TEX15: variants seen among roughly 807,000 people sequenced by gnomAD.
TEX15 encodes the protein testis-expressed protein 15.
A neutral mutation model predicts 237.3 loss-of-function variants in TEX15; 171 were observed. The ratio of observed to expected loss-of-function variants is 0.72; its 90% CI spans 0.64 to 0.82. TEX15 has a LOEUF of 0.82. TEX15 is among the 40% of genes least tolerant of loss of function. The probability of loss-of-function intolerance (pLI) is 0.00; values close to 1 mark genes in which losing one functional copy is unlikely to be tolerated. For missense variants in TEX15, 3,750 were observed against 3,646.5 expected (o/e 1.03, Z -0.73); for synonymous variants, 1,338 against 1,269.8 (o/e 1.05, Z -1.14).
intron 7 of TEX15, among the ~76,000 whole-genome samples, chr8:30,856,576 C>G (rs913600924): frequency 6.6e-6 from 1 of 151,836 alleles, no homozygotes; most frequent in African/African-American, 2.4e-5. Context: ...AACAAAATAC[C>G]TTAAATTTTA....
intron 4 of TEX15, among the ~76,000 whole-genome samples, chr8:30,873,196 G>C (rs1274431932): frequency 7.2e-5 from 11 of 152,108 alleles, no homozygotes; most frequent in Admixed American, 6.6e-4. Context: ...ATTTGGGAAA[G>C]ATTTAATGCA....
chr8:30,838,316 C>T (rs1807358787), intron 9 of TEX15, among the ~76,000 whole-genome samples: 1 of 152,070 alleles, frequency 6.6e-6, no homozygotes, highest in Non-Finnish European at 1.5e-5. Context: ...CTATTTTGTG[C>T]ATTAGACATT....
chr8:30,871,969 C>T (rs1156749367), intron 4 of TEX15, among the ~76,000 whole-genome samples: 1 of 152,132 alleles, frequency 6.6e-6, no homozygotes, highest in African/African-American at 2.4e-5. Context: ...ATTAACTTGT[C>T]CTTAGCACAA....
chr8:30,881,634 T>TTTTTTTTTTG (rs1808528469), intron 3 of TEX15, among the ~76,000 whole-genome samples: 1 of 141,674 alleles, frequency 7.1e-6, no homozygotes, highest in Non-Finnish European at 1.5e-5. Context: ...TTATTATTTT[T>TTTTTTTTTTG]TTTTTTTGAG....
chr8:30,893,233 C>T (rs1808831202), intron 2 of TEX15, among the ~76,000 whole-genome samples: 1 of 152,156 alleles, frequency 6.6e-6, no homozygotes, highest in Non-Finnish European at 1.5e-5. Context: ...TCCAAGGACA[C>T]AGAGCTAGGA....
intron 2 of TEX15, among the ~76,000 whole-genome samples, chr8:30,895,277 G>A (rs1808875482): frequency 1.6e-5 from 2 of 123,126 alleles, no homozygotes; most frequent in South Asian, 2.7e-4. Context: ...CAGCCTAGGC[G>A]ACAAAGCGAG....
At position 30,871,008 on chromosome 8, in the gene TEX15, T is replaced by TG. The variant is rs776675464; in HGVS notation, c.303-3507_303-3506insC. ...GAAGTTACCCACCATCCTTGGCTCA[T>TG]AATCTCCTTTTTTCATCTTCAAAGC... On this transcript the variant is annotated intron_variant, in intron 4 of 10. Transcript: ENST00000643185. 3.3e-5 allele frequency among the ~76,000 whole-genome samples: 5 copies of TG among 152,076 alleles called. No homozygotes were observed. The South Asian group carries it at 1.0e-3, about 32-fold the overall frequency.
At position 30,847,186 on chromosome 8, in the gene TEX15, G is replaced by A. The variant is rs1807638915; in HGVS notation, c.2981C>T (p.Ala994Val). 1 of 1,613,936 alleles carries A rather than the reference G, an allele frequency of 6.2e-7. No homozygotes were observed. The highest frequency in any genetic ancestry group is 1.7e-5 in the Admixed American group (1 of 60,010). Residue 994 changes from alanine to valine, a missense_variant, in exon 8 of 11, where the codon GCA becomes GTA. Physicochemically the swap from Ala to Val is moderately conservative, Grantham distance 64. Transcript: ENST00000643185. The stretch of plus-strand genomic sequence containing the variant: ...GTGATCGTCATTATTTAGGCTTAAT[G>A]CAGGCATAGTAGCACTAGCTATCTG... The part of the protein sequence containing the change: ...AIQIASATMP[A>V]LSLNNDDHQI...
Position 30,843,335 on chromosome 8 carries a change from GATT to G in TEX15, c.6829_6831del (p.Asn2277del). The G allele has an allele frequency of 2.5e-6, 4 of 1,611,600 alleles. 1 individual carries two copies. The highest frequency in any genetic ancestry group is 3.3e-4 in the Middle Eastern group (2 of 6,044). ...GATTGTGTTCTCTCTTTCCAAACAA[GATT>G]TTTTGCAGCATCAAAAAAGATATGT... On this transcript the variant is annotated inframe_deletion, in exon 8 of 11. Coordinates refer to ENST00000643185, the MANE Select transcript of TEX15 (RefSeq NM_001350162.2).
Position 30,895,676 on chromosome 8 carries a change from C to CTTTTTTTTTTTTTTTTTTTTTTTTTTTTT in TEX15, c.-10+3065_-10+3066insAAAAAAAAAAAAAAAAAAAAAAAAAAAAA, listed in dbSNP as rs34002027. Among the ~76,000 whole-genome samples the CTTTTTTTTTTTTTTTTTTTTTTTTTTTTT allele has an allele frequency of 5.0e-5, 3 of 60,060 alleles. 1 individual carries two copies. Among genetic ancestry groups the CTTTTTTTTTTTTTTTTTTTTTTTTTTTTT allele is most frequent in the African/African-American group, 1.6e-4 (2 of 12,336 alleles). 39.4% of individuals were successfully genotyped at this position (60,060 alleles called of 152,430 possible). ...CATGTCAACACCTTTTAAACACATG[C>CTTTTTTTTTTTTTTTTTTTTTTTTTTTTT]TTTTTTTTTTTTTTTTTTTTTTTTG... On this transcript the variant is annotated intron_variant, in intron 2 of 10. Transcript: ENST00000643185.
chr8:30,877,096 C>G (rs1808414786), intron 3 of TEX15, among the ~76,000 whole-genome samples: 1 of 152,102 alleles, frequency 6.6e-6, no homozygotes. Context: ...AGGACTAATA[C>G]AACAATGTAG....
chr8:30,904,089 G>A (rs1454314416), intron 1 of TEX15, among the ~76,000 whole-genome samples: 1 of 152,164 alleles, frequency 6.6e-6, no homozygotes, highest in Admixed American at 6.5e-5. Flanking sequence ...GATGATTAAA[G>A]ATAATGACAC....
intron 1 of TEX15, among the ~76,000 whole-genome samples, chr8:30,903,836 T>C (rs1479563389): frequency 6.6e-6 from 1 of 152,236 alleles, no homozygotes; most frequent in Non-Finnish European, 1.5e-5. Flanking sequence ...GCCAAGGTCC[T>C]TGAAATCAGA....
chr8:30,876,932 A>G (rs1808410899), intron 3 of TEX15, among the ~76,000 whole-genome samples: 1 of 152,062 alleles, frequency 6.6e-6, no homozygotes, highest in Non-Finnish European at 1.5e-5. Context: ...ATGGTTTTAT[A>G]AGGGGCCTTT....
At chr8:30,841,976 TAA>T (rs1563230951) in intron 8 of TEX15, 26 bp downstream of exon 8, 4 of 1,465,386 alleles carry the variant, frequency 2.7e-6, no homozygotes. Flanking sequence ...AGAATACTTA[TAA>T]AAGTTTTGTT....
intron 1 of TEX15, among the ~76,000 whole-genome samples, chr8:30,908,575 G>A (rs189996954): frequency 6.3e-4 from 96 of 152,290 alleles, no homozygotes; most frequent in African/African-American, 2.1e-3. Context: ...ACAGAGTGGA[G>A]AACACTGCCC....
At position 30,849,234 on chromosome 8, in the gene TEX15, G is replaced by C. The variant is rs1243419917; in HGVS notation, c.933C>G (p.Phe311Leu). Reference protein sequence around the residue: ...GKDATVTFVHFKKPVDPFVQE... With the variant: ...GKDATVTFVHLKKPVDPFVQE... ...GAACAAATGGATCTACAGGTTTCTT[G>C]AAATGCACAAAGGTGACAGTAGCAT... is the stretch of plus-strand genomic sequence containing the variant. The change falls in exon 8 of 11, where the codon TTC becomes TTG. Residue 311 changes from phenylalanine (F) to leucine (L), a missense_variant. Coordinates refer to ENST00000643185, the MANE Select transcript of TEX15 (RefSeq NM_001350162.2). The C allele has an allele frequency of 6.5e-6, 10 of 1,536,078 alleles. No homozygotes were observed. The highest frequency in any genetic ancestry group is 5.9e-5 in the Admixed American group (3 of 50,984).
chr8:30,833,922 T>C (rs1314897308), intron 10 of TEX15, among the ~76,000 whole-genome samples: 1 of 152,186 alleles, frequency 6.6e-6, no homozygotes, highest in Non-Finnish European at 1.5e-5. Flanking sequence ...CTGGACTTGA[T>C]TCCAGAGCTA....
At chr8:30,887,862 G>C (rs1341726697) in intron 2 of TEX15, 1 of 125,748 alleles carries the variant, frequency 8.0e-6, no homozygotes, top group Non-Finnish European at 1.7e-5. Flanking sequence ...TATATATTTC[G>C]CACATATATA....
Sources: allele counts gnomAD v4.1 joint callset (sites outside exome capture counted in the v4.1 genomes callset), GRCh38; gene constraint gnomAD v4.1.1; transcripts MANE v1.5; gene names NCBI Gene and HGNC (gene_info 2026-07-23, HGNC 2026-07-21).